Variants in IPPK observed in about 807,000 individuals in gnomAD.
The protein encoded by IPPK is IPK1 homolog.
A neutral mutation model predicts 64.6 loss-of-function variants in IPPK; 22 were observed. The observed-to-expected ratio is 0.34, with a 90% CI of 0.24 to 0.49. The LOEUF is 0.49. Ranked by LOEUF, IPPK falls within the 20% of genes least tolerant of loss-of-function variation. The pLI, the probability that IPPK is intolerant of heterozygous loss-of-function variation, is 0.99. For synonymous variants in IPPK, 262 were observed against 247.2 expected, an observed-to-expected ratio of 1.06 and a Z score of -0.56; for missense variants, 532 against 630.7, an observed-to-expected ratio of 0.84 and a Z score of 1.68.
chr9:92,658,874 A>C (rs1386429163), intron 1 of IPPK, among the ~76,000 whole-genome samples, 193 bp from the exon 2 acceptor site: 1 of 152,244 alleles, frequency 6.6e-6, no homozygotes, highest in Non-Finnish European at 1.5e-5. Context: ...TGGGACAACC[A>C]AGAACCTTCA....
intron 5 of IPPK, among the ~76,000 whole-genome samples, chr9:92,648,491 C>T (rs1360769602): frequency 4.6e-5 from 7 of 152,194 alleles, no homozygotes; most frequent in Non-Finnish European, 1.0e-4. Flanking sequence ...ACTCCCAGCT[C>T]CAAGAATCGG....
chr9:92,654,391 C>A (rs1852329916), intron 3 of IPPK, among the ~76,000 whole-genome samples: 1 of 152,070 alleles, frequency 6.6e-6, no homozygotes, highest in African/African-American at 2.4e-5. Context: ...GTGGTGCGCA[C>A]CAGTAGTCCC....
chr9:92,654,117 A>G (rs965531244), intron 3 of IPPK, among the ~76,000 whole-genome samples: 3 of 152,228 alleles, frequency 2.0e-5, no homozygotes, highest in African/African-American at 4.8e-5. Flanking sequence ...CTGCCCATGC[A>G]TGGCCTGAAC....
chr9:92,656,395 A>G (rs1852373774), intron 3 of IPPK, 61 bp downstream of exon 3: 2 of 1,032,282 alleles, frequency 1.9e-6, no homozygotes, highest in African/African-American at 3.1e-5. Context: ...GATCACCGGG[A>G]AATTGGCAGT....
chr9:92,628,311 ACGAAGC>A (rs1236778946), intron 11 of IPPK, among the ~76,000 whole-genome samples: 2 of 152,258 alleles, frequency 1.3e-5, no homozygotes, highest in African/African-American at 4.8e-5. Context: ...TTCTTTGTAG[ACGAAGC>A]TGATTCTAAA....
At position 92,652,553 on chromosome 9, in the gene IPPK, T is replaced by C. The variant is rs751101095; in HGVS notation, c.292+20A>G. The stretch of plus-strand genomic sequence containing the variant: ...AATATTTTAAATTACAAACAATATC[T>C]GTAAGTTAAACACCCTTACCTGGTC... On this transcript the variant is annotated intron_variant, in intron 4 of 12. Transcript: ENST00000287996. 1.5e-6 allele frequency: 2 copies of C among 1,355,640 alleles called. No homozygotes were observed. Among genetic ancestry groups the C allele is most frequent in the Non-Finnish European group, 2.1e-6 (2 of 973,772 alleles). The allele number at this position is 1,355,640 out of a possible 1,614,324, so 84.0% of individuals were successfully genotyped here.
intron 12 of IPPK, chr9:92,618,835 G>A (rs774354132): frequency 5.7e-6 from 2 of 352,670 alleles, no homozygotes; most frequent in Non-Finnish European, 1.1e-5. Context: ...TCTTGACCCA[G>A]GAACACATGT....
At chr9:92,669,847 G>A in intron 1 of IPPK, 61 bp downstream of exon 1, 1 of 1,238,606 alleles carries the variant, frequency 8.1e-7, no homozygotes, top group South Asian at 1.2e-5. Flanking sequence ...GATAATGGGG[G>A]CGGGGTGATA....
At chr9:92,656,081 C>T (rs1051637260) in intron 3 of IPPK, among the ~76,000 whole-genome samples, 60 of 152,198 alleles carry the variant, frequency 3.9e-4, no homozygotes, top group Non-Finnish European at 1.0e-4. Flanking sequence ...GACCCCAGGA[C>T]AGCCCCAGCA....
In IPPK at chr9:92,635,200, T is replaced by C; in HGVS notation, c.1025A>G (p.Tyr342Cys). Reference protein sequence around the residue: ...LLDIEGLYPLYNRVERYLEEF... With the variant: ...LLDIEGLYPLCNRVERYLEEF... ...TTCCAGGTATCGCTCAACCCGGTTGTACAGAGGGTAGAGGCCTTCGATGTC... is the reference window on the plus strand; with the variant it reads ...TTCCAGGTATCGCTCAACCCGGTTGCACAGAGGGTAGAGGCCTTCGATGTC... The change falls in exon 10 of 13, where the codon TAC becomes TGC. Residue 342 changes from tyrosine (Y) to cysteine (C), a missense_variant. Physicochemically the swap from Tyr to Cys is radical, Grantham distance 194. Transcript: ENST00000287996. The surrounding 1 kb of genome is among the most constrained non-coding windows in gnomAD (Gnocchi z 4.4). 1 of 1,614,028 alleles carries C rather than the reference T, an allele frequency of 6.2e-7. No homozygotes were observed.
chr9:92,662,954 A>G (rs1852516652), intron 1 of IPPK, among the ~76,000 whole-genome samples: 1 of 152,238 alleles, frequency 6.6e-6, no homozygotes, highest in African/African-American at 2.4e-5. Context: ...CCTGAGCATC[A>G]GAAGTCCAAA....
intron 7 of IPPK, 135 bp downstream of exon 7, chr9:92,642,617 A>C (rs1233366582): frequency 1.4e-6 from 1 of 708,986 alleles, no homozygotes; most frequent in East Asian, 2.6e-5. Flanking sequence ...TGATGGCAAA[A>C]GAGAGCCCTG....
intron 1 of IPPK, among the ~76,000 whole-genome samples, chr9:92,667,834 C>G (rs1435360658): frequency 6.6e-6 from 1 of 151,832 alleles, no homozygotes; most frequent in Non-Finnish European, 1.5e-5. Flanking sequence ...ACCCAGGAGG[C>G]AGAGGTTGCA....
intron 4 of IPPK, among the ~76,000 whole-genome samples, chr9:92,651,844 T>C (rs990383683): frequency 3.3e-5 from 5 of 152,156 alleles, no homozygotes; most frequent in African/African-American, 1.2e-4. Context: ...ACTTCCCAAG[T>C]AGCTGGGATT....
chr9:92,633,026 T>A (rs1564030685), intron 11 of IPPK, among the ~76,000 whole-genome samples: 1 of 151,372 alleles, frequency 6.6e-6, no homozygotes, highest in African/African-American at 2.4e-5. Context: ...TTTTTTTTTT[T>A]ATGAGATGGA....
intron 11 of IPPK, among the ~76,000 whole-genome samples, chr9:92,633,566 A>G (rs902594665): frequency 7.9e-5 from 12 of 151,194 alleles, no homozygotes; most frequent in African/African-American, 2.9e-4. Context: ...GCGTCTCACT[A>G]TGTTGACCAG....
intron 1 of IPPK, among the ~76,000 whole-genome samples, chr9:92,663,823 G>A (rs916398845): frequency 5.9e-5 from 9 of 152,218 alleles, no homozygotes; most frequent in Admixed American, 5.9e-4. Context: ...AAGGACCAAG[G>A]TCAAGTCTTC....
chr9:92,615,577 C>T lies in IPPK; in HGVS notation c.*255G>A. On this transcript the variant is annotated 3_prime_UTR_variant, in exon 13 of 13. Transcript: ENST00000287996. ...AAAGAAGAACTATCCAGAACGTCTT[C>T]CCAGGGCTTAACGGACACTTCCATT... is the stretch of plus-strand genomic sequence containing the variant. 1 of 465,032 alleles carries T rather than the reference C, an allele frequency of 2.2e-6. No individual in the cohort carries two copies. The highest frequency in any genetic ancestry group is 3.9e-6 in the Non-Finnish European group (1 of 255,062). 28.8% of individuals were successfully genotyped at this position (465,032 alleles called of 1,614,324 possible). A position where few individuals can be genotyped will look rare whatever the true frequency, so the allele number is the denominator to read the frequency against.
chr9:92,635,332 C>T lies in IPPK; in HGVS notation c.917-24G>A, dbSNP rs761702433. ...TCCTACCGAGAACATCAGGGGAAAA[C>T]GAGAGCATGTTGATTATCAAAGAAC... is the stretch of plus-strand genomic sequence containing the variant. On this transcript the variant is annotated intron_variant, in intron 9 of 12. Transcript: ENST00000287996. The surrounding 1 kb of genome is among the most constrained non-coding windows in gnomAD (Gnocchi z 4.4). 17 of 1,600,684 alleles carry T rather than the reference C, an allele frequency of 1.1e-5. 1 individual carries two copies. The highest frequency in any genetic ancestry group is 8.8e-5 in the South Asian group (8 of 90,442).
Sources: allele counts gnomAD v4.1 joint callset (sites outside exome capture counted in the v4.1 genomes callset), GRCh38; gene constraint gnomAD v4.1.1; non-coding constraint Gnocchi (gnomAD v3.1); transcripts MANE v1.5; gene names NCBI Gene and HGNC (gene_info 2026-07-23, HGNC 2026-07-21).